TNFRSF19: variants seen among roughly 807,000 people sequenced by gnomAD.
TNFRSF19 encodes tumor necrosis factor receptor superfamily member 19.
Under a neutral mutation model 46.4 loss-of-function variants are expected in TNFRSF19, and 27 were observed. The observed-to-expected ratio is 0.58, with a 90% CI of 0.43 to 0.80. TNFRSF19 has a LOEUF of 0.80. TNFRSF19 is among the 30% of genes least tolerant of loss of function. The probability of loss-of-function intolerance (pLI) is 0.00; values close to 1 mark genes in which losing one functional copy is unlikely to be tolerated. For synonymous variants in TNFRSF19, 204 were observed against 205.0 expected (o/e 1.00, Z 0.04); for missense variants, 511 against 530.8 (o/e 0.96, Z 0.37).
intron 5 of TNFRSF19, among the ~76,000 whole-genome samples, chr13:23,640,377 A>G (rs1202343116): frequency 6.6e-6 from 1 of 152,188 alleles, no homozygotes; most frequent in African/African-American, 2.4e-5. Context: ...TTTCTGTGTA[A>G]CTTCATGCTG....
chr13:23,670,883 C>T (rs1359165051), intron 9 of TNFRSF19, among the ~76,000 whole-genome samples: 2 of 152,218 alleles, frequency 1.3e-5, no homozygotes, highest in Admixed American at 6.5e-5. Flanking sequence ...ACTAGGGTTA[C>T]GGTGCTGCCA....
intron 1 of TNFRSF19, among the ~76,000 whole-genome samples, chr13:23,573,966 G>A (rs908267961): frequency 6.6e-6 from 1 of 150,542 alleles, no homozygotes; most frequent in Non-Finnish European, 1.5e-5. Flanking sequence ...GGAGGCTGAG[G>A]CAGAAAAATG....
chr13:23,597,932 G>A (rs529263065), intron 3 of TNFRSF19, among the ~76,000 whole-genome samples: 4 of 152,256 alleles, frequency 2.6e-5, no homozygotes, highest in Non-Finnish European at 5.9e-5. Context: ...AGGATGCAAG[G>A]CTGGTTCAAT....
intron 3 of TNFRSF19, among the ~76,000 whole-genome samples, chr13:23,611,126 G>GCGCACA (rs112644557): frequency 6.8e-6 from 1 of 147,666 alleles, no homozygotes; most frequent in African/African-American, 2.5e-5. Flanking sequence ...ACACACATGT[G>GCGCACA]CACACACACA....
At chr13:23,588,696 A>G (rs1243000515) in intron 1 of TNFRSF19, among the ~76,000 whole-genome samples, 1 of 152,248 alleles carries the variant, frequency 6.6e-6, no homozygotes, top group South Asian at 2.1e-4. Flanking sequence ...TGTGCTTCAA[A>G]GAATGTGATT....
chr13:23,629,878 G>C (rs896568164), intron 5 of TNFRSF19, among the ~76,000 whole-genome samples: 1 of 152,164 alleles, frequency 6.6e-6, no homozygotes, highest in African/African-American at 2.4e-5. Context: ...TGCTGCTTTG[G>C]AGTTGTCCTG....
chr13:23,601,259 C>T (rs1019952298), intron 3 of TNFRSF19, among the ~76,000 whole-genome samples: 5 of 152,012 alleles, frequency 3.3e-5, no homozygotes, highest in African/African-American at 1.2e-4. Flanking sequence ...AAAAAAACGC[C>T]ATATGTACAG....
rs1242134107 is a variant in TNFRSF19 at position 23,590,058 on chromosome 13, G to A, written c.-34-92G>A. 3 of 550,888 alleles carry A rather than the reference G, an allele frequency of 5.4e-6. No homozygotes were observed. The East Asian group carries it at 1.1e-4, about 19-fold the overall frequency. 34.1% of individuals were successfully genotyped at this position (550,888 alleles called of 1,614,324 possible). A position where few individuals can be genotyped will look rare whatever the true frequency, so the allele number is the denominator to read the frequency against. On this transcript the variant is annotated intron_variant, in intron 1 of 9. Coordinates refer to ENST00000248484, the MANE Select transcript of TNFRSF19 (RefSeq NM_148957.4). ...AAACACAAATAATATTTATTACCTA[G>A]TCTATATAGTAAGTGGTAGATATTA...
chr13:23,634,817 A>G (rs538482099), intron 5 of TNFRSF19, among the ~76,000 whole-genome samples: 1 of 152,296 alleles, frequency 6.6e-6, no homozygotes, highest in African/African-American at 2.4e-5. Flanking sequence ...TTCACGGTCT[A>G]AGGAAGACCA....
At chr13:23,626,559 CA>C (rs983678749) in intron 4 of TNFRSF19, 147 bp from the exon 5 acceptor site, 4 of 677,796 alleles carry the variant, frequency 5.9e-6, no homozygotes, top group Admixed American at 6.1e-5. Context: ...GCTTCCTCTT[CA>C]AAAATGTGTC....
Position 23,668,731 on chromosome 13 carries a change from C to T in TNFRSF19, c.879C>T (p.Phe293=), listed in dbSNP as rs201218290. ...GPAGEMVPTF[F]GSLTQSICGE... ...CCGGGGAGATGGTGCCGACTTTCTT[C>T]GGATCCCTCACGCAGTCCATCTGTG... Residue 293 remains phenylalanine (F), a synonymous_variant, in exon 9 of 10, where the codon TTC becomes TTT. Coordinates refer to ENST00000248484, the MANE Select transcript of TNFRSF19 (RefSeq NM_148957.4). 6.2e-6 allele frequency: 10 copies of T among 1,614,082 alleles called. No individual in the cohort carries two copies. In the East Asian group the frequency reaches 6.7e-5, roughly 11 times the overall value.
At chr13:23,606,352 A>T (rs55642712) in intron 3 of TNFRSF19, among the ~76,000 whole-genome samples, 7 of 137,074 alleles carry the variant, frequency 5.1e-5, no homozygotes, top group East Asian at 4.2e-4. Flanking sequence ...CATATTTATA[A>T]TTTTTTTAAA....
At chr13:23,657,996 C>T (rs1884094543) in intron 5 of TNFRSF19, among the ~76,000 whole-genome samples, 1 of 152,164 alleles carries the variant, frequency 6.6e-6, no homozygotes. Flanking sequence ...GTGAGGGCCC[C>T]TCAGCTCACT....
At chr13:23,609,329 A>G (rs765811082) in intron 3 of TNFRSF19, among the ~76,000 whole-genome samples, 1 of 152,156 alleles carries the variant, frequency 6.6e-6, no homozygotes, top group Non-Finnish European at 1.5e-5. Flanking sequence ...TCTGAACCAT[A>G]AATATGGTGA....
rs148077903 is a variant in TNFRSF19 at position 23,673,599 on chromosome 13, G to A, written c.*219G>A. The A allele has an allele frequency of 3.1e-4, 383 of 1,220,866 alleles. 1 individual carries two copies. In the East Asian group the frequency reaches 9.2e-3, roughly 29 times the overall value. The allele number at this position is 1,220,866 out of a possible 1,614,324, so 75.6% of individuals were successfully genotyped here. A position where few individuals can be genotyped will look rare whatever the true frequency, so the allele number is the denominator to read the frequency against. ...GAATAACAAGAAAAGACTCCAGGCC[G>A]ACTCATGATACTCTGCATCTTTCCT... On this transcript the variant is annotated 3_prime_UTR_variant, in exon 10 of 10. Transcript: ENST00000248484.
intron 4 of TNFRSF19, among the ~76,000 whole-genome samples, chr13:23,624,717 T>G (rs1179016553): frequency 1.3e-5 from 2 of 151,848 alleles, no homozygotes; most frequent in African/African-American, 4.8e-5. Context: ...TATAATATAC[T>G]CCCAAAATTT....
chr13:23,637,001 A>G (rs1466248236), intron 5 of TNFRSF19, among the ~76,000 whole-genome samples: 3 of 152,032 alleles, frequency 2.0e-5, no homozygotes, highest in African/African-American at 7.2e-5. Context: ...AATATTTGCT[A>G]TGTTTTGTTT....
chr13:23,614,769 A>ATATATATATATATATATG, intron 3 of TNFRSF19, among the ~76,000 whole-genome samples: 1 of 147,224 alleles, frequency 6.8e-6, no homozygotes, highest in African/African-American at 2.5e-5. Context: ...ATATATATAT[A>ATATATATATATATATATG]GTACCTGGCA....
rs148632116 is a variant in TNFRSF19, at chr13:23,610,840, GCATATATTTTCC to G, written c.181-5023_181-5012del. On this transcript the variant is annotated intron_variant, in intron 3 of 9. Coordinates refer to ENST00000248484, the MANE Select transcript of TNFRSF19 (RefSeq NM_148957.4). ...TTTTTTGCATTATTATTTTATCTAT[GCATATATTTTCC>G]CATCTTAAAGTTTATTGATAAAAAA... Among the ~76,000 whole-genome samples, 1,478 of 151,904 alleles carry G rather than the reference GCATATATTTTCC, an allele frequency of 9.7e-3. 28 individuals are homozygous for G. Among genetic ancestry groups the G allele is most frequent in the African/African-American group, 0.034 (1,417 of 41,390 alleles).
Sources: gnomAD v4.1 joint callset for allele counts (sites outside exome capture counted in the v4.1 genomes callset) on GRCh38, gnomAD v4.1.1 for gene constraint, MANE v1.5 for transcripts, NCBI Gene and HGNC (gene_info 2026-07-23, HGNC 2026-07-21) for gene names.